The following LAMA1 variants were observed in gnomAD, a reference collection of about 807,000 sequenced individuals.
LAMA1 encodes the protein laminin subunit alpha-1.
In LAMA1, 219 loss-of-function variants were observed where a neutral mutation model predicts 348.7. The observed-to-expected ratio is 0.63, with a 90% CI of 0.56 to 0.70. The LOEUF (loss-of-function observed/expected upper bound fraction) is 0.70, where lower values mean the gene tolerates loss of function less well. Among genes scored for constraint, LAMA1 ranks in the 30% least tolerant of loss-of-function variants. LAMA1 has a pLI of 0.00. For missense variants in LAMA1, 3,744 were observed against 3,888.0 expected (o/e 0.96, Z 0.99); for synonymous variants, 1,487 against 1,491.0 (o/e 1.00, Z 0.06).
At chr18:6,993,083 C>CT (rs976614908) in intron 35 of LAMA1, among the ~76,000 whole-genome samples, 1 of 151,024 alleles carries the variant, frequency 6.6e-6, no homozygotes, top group Admixed American at 6.6e-5. Context: ...CTTGATCCTA[C>CT]TTTTTTTATT....
chr18:7,116,328 C>A (rs1292093344), intron 1 of LAMA1, among the ~76,000 whole-genome samples: 1 of 152,190 alleles, frequency 6.6e-6, no homozygotes, highest in Non-Finnish European at 1.5e-5. Flanking sequence ...AGACAGGAGT[C>A]CCCTCGCAAT....
At chr18:7,012,194 G>C (rs2057863909) in intron 23 of LAMA1, 56 bp from the exon 24 acceptor site, 1 of 1,558,518 alleles carries the variant, frequency 6.4e-7, no homozygotes. Flanking sequence ...TGTGATTTCT[G>C]AACAAACAGA....
chr18:7,088,818 G>A (rs903208645), intron 1 of LAMA1, among the ~76,000 whole-genome samples: 1 of 152,124 alleles, frequency 6.6e-6, no homozygotes, highest in African/African-American at 2.4e-5. Flanking sequence ...CACAGTGCCT[G>A]CTGTCTAATA....
rs182147676 is a variant in LAMA1, at chr18:7,059,139, C to T, written c.346-8203G>A. Among the ~76,000 whole-genome samples the T allele has an allele frequency of 4.3e-3, 658 of 152,306 alleles. 5 individuals are homozygous for T. Among genetic ancestry groups the T allele is most frequent in the African/African-American group, 0.015 (631 of 41,562 alleles). ...TCCTAACCTCAGGTGATCCACCTGC[C>T]TCGGCCTCCCAAAGTGCTGGGATTA... On this transcript the variant is annotated intron_variant, in intron 3 of 62. Transcript: ENST00000389658.
chr18:7,074,044 G>A (rs561646881), intron 3 of LAMA1, among the ~76,000 whole-genome samples: 14 of 151,252 alleles, frequency 9.3e-5, no homozygotes, highest in Non-Finnish European at 1.6e-4. Context: ...CATGTTGGCC[G>A]AGATGGTCTC....
chr18:6,991,389 C>CTT (rs34001050), intron 36 of LAMA1, among the ~76,000 whole-genome samples: 30 of 118,376 alleles, frequency 2.5e-4, no homozygotes, highest in Admixed American at 4.7e-4. Flanking sequence ...ACTTCTTCTT[C>CTT]TTTTTTTTTT....
At chr18:7,109,549 T>C (rs971351834) in intron 1 of LAMA1, among the ~76,000 whole-genome samples, 30 of 152,210 alleles carry the variant, frequency 2.0e-4, no homozygotes, top group African/African-American at 7.2e-4. Context: ...GGTTGGTATA[T>C]TGCAGCCTGT....
At chr18:7,045,230 A>C (rs1380660747) in intron 6 of LAMA1, among the ~76,000 whole-genome samples, 1 of 152,204 alleles carries the variant, frequency 6.6e-6, no homozygotes, top group Non-Finnish European at 1.5e-5. Context: ...GAAAATAAGA[A>C]GTAACTTCAT....
rs547824945 is a variant in LAMA1 at position 7,007,611 on chromosome 18, A to T, written c.4123-335T>A. Among the ~76,000 whole-genome samples, 3 of 152,298 alleles carry T rather than the reference A, an allele frequency of 2.0e-5. No individual in the cohort carries two copies. In the East Asian group the frequency reaches 5.8e-4, roughly 29 times the overall value. ...AGATGGAAAATACAAGTACCATATG[A>T]TTCTGCAAGTCCACTTTTGGGTACA... On this transcript the variant is annotated intron_variant, in intron 28 of 62. Transcript: ENST00000389658.
intron 57 of LAMA1, among the ~76,000 whole-genome samples, chr18:6,953,538 G>C (rs887274068): frequency 2.0e-5 from 3 of 152,186 alleles, no homozygotes; most frequent in African/African-American, 7.2e-5. Flanking sequence ...CCCCCGAGGA[G>C]AAGGGGAAAC....
rs1436982957 is a variant in LAMA1, at chr18:7,042,131, A to T, written c.1261+14T>A. ...AAAATCAATTACAAGCACAAAAGTG[A>T]ATCAAGTACTTACCATTGTGTAAGT... On this transcript the variant is annotated intron_variant, in intron 9 of 62. Transcript: ENST00000389658. 1 of 1,556,594 alleles carries T rather than the reference A, an allele frequency of 6.4e-7. No individual in the cohort carries two copies. Among genetic ancestry groups the T allele is most frequent in the Non-Finnish European group, 8.8e-7 (1 of 1,130,702 alleles).
chr18:7,023,454 T>C (rs2057927742), intron 18 of LAMA1, 79 bp from the exon 19 acceptor site: 4 of 1,166,744 alleles, frequency 3.4e-6, no homozygotes, highest in Admixed American at 3.4e-5. Context: ...ACTCCCTGAA[T>C]GGCTAATAAA....
intron 9 of LAMA1, among the ~76,000 whole-genome samples, chr18:7,040,836 A>G (rs2058017327): frequency 6.6e-6 from 1 of 152,254 alleles, no homozygotes; most frequent in South Asian, 2.1e-4. Flanking sequence ...ATACTGATAC[A>G]TGGTACAACA....
intron 44 of LAMA1, among the ~76,000 whole-genome samples, chr18:6,977,188 T>G (rs2057686519): frequency 6.6e-6 from 1 of 152,194 alleles, no homozygotes; most frequent in African/African-American, 2.4e-5. Context: ...AAACATCTTC[T>G]CATGTGTGAA....
Position 7,075,577 on chromosome 18 carries a change from C to A in LAMA1, c.345+4398G>T, listed in dbSNP as rs141981396. 4.0e-3 allele frequency among the ~76,000 whole-genome samples: 608 copies of A among 151,884 alleles called. 2 individuals carry two copies. The highest frequency in any genetic ancestry group is 0.013 in the African/African-American group (554 of 41,376). ...GGCGGAGGTTGCAGTGAGCCGAGAT[C>A]GCGCCATTGCCCTCCAGTCTGGGAA... On this transcript the variant is annotated intron_variant, in intron 3 of 62. Coordinates refer to ENST00000389658, the MANE Select transcript of LAMA1 (RefSeq NM_005559.4).
intron 1 of LAMA1, among the ~76,000 whole-genome samples, chr18:7,092,933 C>G (rs1010690300): frequency 3.3e-5 from 5 of 152,258 alleles, no homozygotes; most frequent in Admixed American, 6.5e-5. Context: ...CATGCTCATT[C>G]ACCGCACAGG....
chr18:7,027,890 C>A (rs372513796), intron 16 of LAMA1, among the ~76,000 whole-genome samples: 12 of 152,052 alleles, frequency 7.9e-5, no homozygotes, highest in African/African-American at 2.7e-4. Context: ...TTGCAGTGAG[C>A]CAAGATCACG....
rs531616567 is a variant in LAMA1 at position 7,102,588 on chromosome 18, T to C, written c.61+15072A>G. Reference sequence around the variant, plus strand: ...TCTCTTTCTGTTGACGATGATACTATCCCACAGCAATAAGTGGAGTGATAC... The same window carrying C: ...TCTCTTTCTGTTGACGATGATACTACCCCACAGCAATAAGTGGAGTGATAC... On this transcript the variant is annotated intron_variant, in intron 1 of 62. Coordinates refer to ENST00000389658, the MANE Select transcript of LAMA1 (RefSeq NM_005559.4). Among the ~76,000 whole-genome samples the C allele has an allele frequency of 7.2e-5, 11 of 152,264 alleles. No individual in the cohort carries two copies. The East Asian group carries it at 2.1e-3, about 29-fold the overall frequency.
chr18:6,996,794 T>C (rs2057783240), intron 33 of LAMA1, among the ~76,000 whole-genome samples: 1 of 151,808 alleles, frequency 6.6e-6, no homozygotes, highest in African/African-American at 2.4e-5. Flanking sequence ...AATAATAAAA[T>C]AAATAAATAA....
Sources: allele counts gnomAD v4.1 joint callset (sites outside exome capture counted in the v4.1 genomes callset), GRCh38; gene constraint gnomAD v4.1.1; transcripts MANE v1.5; gene names NCBI Gene and HGNC (gene_info 2026-07-23, HGNC 2026-07-21).